The following HIBADH variants were observed in gnomAD, a reference collection of about 807,000 sequenced individuals.
HIBADH encodes 3-hydroxyisobutyrate dehydrogenase.
Under a neutral mutation model 36.1 loss-of-function variants are expected in HIBADH, and 25 were observed. That is an observed-to-expected ratio of 0.69 (90% CI 0.50 to 0.97). The LOEUF (loss-of-function observed/expected upper bound fraction) is 0.97, where lower values mean the gene tolerates loss of function less well. Ranked by LOEUF, HIBADH falls within the 50% of genes least tolerant of loss-of-function variation. The pLI, the probability that HIBADH is intolerant of heterozygous loss-of-function variation, is 0.00. For missense variants in HIBADH, 421 were observed against 418.0 expected, an observed-to-expected ratio of 1.01 and a Z score of -0.06; for synonymous variants, 160 against 149.5, an observed-to-expected ratio of 1.07 and a Z score of -0.51.
At chr7:27,549,502 T>C (rs1784286121) in intron 4 of HIBADH, among the ~76,000 whole-genome samples, 1 of 152,202 alleles carries the variant, frequency 6.6e-6, no homozygotes, top group African/African-American at 2.4e-5. Flanking sequence ...CTGAGTATCC[T>C]ACAAGTCTTG....
rs74767839 is a variant in HIBADH, at chr7:27,587,442, CA to C, written c.484+41928del. 2.1e-4 allele frequency among the ~76,000 whole-genome samples: 31 copies of C among 148,562 alleles called. No individual in the cohort carries two copies. In the East Asian group the frequency reaches 3.3e-3, roughly 16 times the overall value. On this transcript the variant is annotated intron_variant, in intron 4 of 7. Transcript: ENST00000265395. The stretch of plus-strand genomic sequence containing the variant: ...ATCTGGTATAACAAGTTATATTGGA[CA>C]AAAAAAAATGAATTATTAGGAGAAA...
intron 5 of HIBADH, chr7:27,541,629 T>G: frequency 1.2e-5 from 4 of 333,886 alleles, no homozygotes; most frequent in Non-Finnish European, 2.3e-5. Context: ...ATCCATGGTA[T>G]GTATCAGGCA....
At chr7:27,564,285 G>T (rs930806378) in intron 4 of HIBADH, among the ~76,000 whole-genome samples, 1 of 152,074 alleles carries the variant, frequency 6.6e-6, no homozygotes. Context: ...CAAACCCAAG[G>T]CCAGAAGGAT....
intron 4 of HIBADH, among the ~76,000 whole-genome samples, chr7:27,570,255 T>C (rs1209214034): frequency 6.6e-6 from 1 of 152,218 alleles, no homozygotes; most frequent in Non-Finnish European, 1.5e-5. Context: ...AAGGACAGTA[T>C]ATTTACTTCA....
At chr7:27,649,703 G>A in intron 1 of HIBADH, 70 bp from the exon 2 acceptor site, 1 of 1,368,170 alleles carries the variant, frequency 7.3e-7, no homozygotes, top group African/African-American at 1.5e-5. Flanking sequence ...TTTAATATTA[G>A]CAAGTCAATT....
chr7:27,605,749 T>C (rs1785213980), intron 4 of HIBADH, among the ~76,000 whole-genome samples: 1 of 152,104 alleles, frequency 6.6e-6, no homozygotes, highest in South Asian at 2.1e-4. Flanking sequence ...TTCAATTCTT[T>C]GCAGATACTT....
intron 4 of HIBADH, among the ~76,000 whole-genome samples, chr7:27,578,374 G>A (rs533162555): frequency 6.6e-6 from 1 of 151,628 alleles, no homozygotes; most frequent in East Asian, 1.9e-4. Flanking sequence ...GGAGTGCAGT[G>A]GCACGATCTC....
chr7:27,564,065 A>AT (rs930773773), intron 4 of HIBADH, among the ~76,000 whole-genome samples: 3 of 151,650 alleles, frequency 2.0e-5, no homozygotes, highest in African/African-American at 7.3e-5. Context: ...CACCCAGCTA[A>AT]TTTTTTGTAT....
At chr7:27,622,481 C>T (rs541153561) in intron 4 of HIBADH, among the ~76,000 whole-genome samples, 4 of 151,862 alleles carry the variant, frequency 2.6e-5, no homozygotes, top group African/African-American at 9.7e-5. Flanking sequence ...TACAAAGGAT[C>T]AACAAAACAA....
At chr7:27,649,222 C>A in intron 2 of HIBADH, 2 of 329,730 alleles carry the variant, frequency 6.1e-6, no homozygotes, top group South Asian at 8.7e-5. Flanking sequence ...AGAGCTAAAA[C>A]AAGGCCCTCT....
At chr7:27,648,668 G>C (rs1349665038) in intron 2 of HIBADH, among the ~76,000 whole-genome samples, 1 of 152,100 alleles carries the variant, frequency 6.6e-6, no homozygotes, top group Non-Finnish European at 1.5e-5. Context: ...ACTATATTCG[G>C]ATACTGATAC....
At chr7:27,633,981 CCAAA>C (rs1439585722) in intron 2 of HIBADH, among the ~76,000 whole-genome samples, 3 of 152,060 alleles carry the variant, frequency 2.0e-5, no homozygotes, top group Non-Finnish European at 4.4e-5. Context: ...GAATAGGAAG[CCAAA>C]CAGAGTGTGT....
intron 6 of HIBADH, among the ~76,000 whole-genome samples, chr7:27,532,689 C>T (rs1784020669): frequency 6.6e-6 from 1 of 152,162 alleles, no homozygotes; most frequent in East Asian, 1.9e-4. Flanking sequence ...AGGATTGTAA[C>T]AGATACAGAA....
At chr7:27,534,089 G>T (rs2128183288) in intron 6 of HIBADH, among the ~76,000 whole-genome samples, 1 of 152,298 alleles carries the variant, frequency 6.6e-6, no homozygotes, top group African/African-American at 2.4e-5. Context: ...AAACGTCACT[G>T]TGTCAAATCT....
At chr7:27,550,537 C>A (rs1171913635) in intron 4 of HIBADH, among the ~76,000 whole-genome samples, 1 of 152,164 alleles carries the variant, frequency 6.6e-6, no homozygotes, top group Non-Finnish European at 1.5e-5. Context: ...TGCACCCATG[C>A]CTATCTTGGG....
chr7:27,643,533 C>T (rs898983206), intron 2 of HIBADH, among the ~76,000 whole-genome samples: 1 of 152,154 alleles, frequency 6.6e-6, no homozygotes, highest in Non-Finnish European at 1.5e-5. Flanking sequence ...TGGAAACAAG[C>T]GTATAGAGAC....
At chr7:27,651,188 G>T (rs1274195003) in intron 1 of HIBADH, among the ~76,000 whole-genome samples, 1 of 152,148 alleles carries the variant, frequency 6.6e-6, no homozygotes, top group Non-Finnish European at 1.5e-5. Flanking sequence ...AATGAGATTT[G>T]TTAAAAGCAA....
At chr7:27,554,579 GC>G (rs1219001663) in intron 4 of HIBADH, among the ~76,000 whole-genome samples, 1 of 152,084 alleles carries the variant, frequency 6.6e-6, no homozygotes, top group African/African-American at 2.4e-5. Context: ...AGAAAAACAG[GC>G]ATAATAATCA....
chr7:27,625,020 A>T (rs1204424386), intron 4 of HIBADH, among the ~76,000 whole-genome samples: 2 of 152,242 alleles, frequency 1.3e-5, no homozygotes, highest in African/African-American at 4.8e-5. Flanking sequence ...AGAAAGAAAA[A>T]ATAGTGATGT....
Sources: gnomAD v4.1 joint callset for allele counts (sites outside exome capture counted in the v4.1 genomes callset) on GRCh38, gnomAD v4.1.1 for gene constraint, MANE v1.5 for transcripts, NCBI Gene and HGNC (gene_info 2026-07-23, HGNC 2026-07-21) for gene names.